PTPRM: variants seen among roughly 807,000 people sequenced by gnomAD.
PTPRM encodes protein tyrosine phosphatase receptor type M.
PTPRM carries 47 observed loss-of-function variants against 186.7 expected under a neutral mutation model. The observed-to-expected ratio is 0.25, with a 90% CI of 0.20 to 0.32. The LOEUF is 0.32. PTPRM is among the 10% of genes least tolerant of loss of function. The pLI is 1.00. For synonymous variants in PTPRM, 668 were observed against 674.9 expected (o/e 0.99, Z 0.16); for missense variants, 1,494 against 1,865.0 (o/e 0.80, Z 3.66).
intron 13 of PTPRM, among the ~76,000 whole-genome samples, chr18:8,129,326 A>G (rs2092447373): frequency 6.6e-6 from 1 of 152,222 alleles, no homozygotes; most frequent in South Asian, 2.1e-4. Context: ...CTGAATAACA[A>G]TATCTGTGTC....
chr18:7,597,575 T>C (rs900561124), intron 1 of PTPRM, among the ~76,000 whole-genome samples: 2 of 152,142 alleles, frequency 1.3e-5, no homozygotes, highest in African/African-American at 2.4e-5. Context: ...TCAGCTGCAG[T>C]TTTCTTAAAA....
intron 3 of PTPRM, among the ~76,000 whole-genome samples, chr18:7,901,523 C>T (rs190731287): frequency 9.0e-4 from 137 of 152,226 alleles, no homozygotes; most frequent in African/African-American, 3.0e-3. Flanking sequence ...CCCGCCAACA[C>T]GCCCGGCTAA....
chr18:7,723,906 C>T (rs1357158727), intron 1 of PTPRM, among the ~76,000 whole-genome samples: 2 of 152,182 alleles, frequency 1.3e-5, no homozygotes, highest in African/African-American at 4.8e-5. Flanking sequence ...AGTTCTGCTT[C>T]TGAAGCTTCC....
At chr18:7,906,718 T>A (rs2050004798) in intron 4 of PTPRM, 135 bp downstream of exon 4, 2 of 692,600 alleles carry the variant, frequency 2.9e-6, no homozygotes, top group African/African-American at 1.8e-5. Flanking sequence ...GTATTGTTGG[T>A]TTGCCAGCCC....
intron 19 of PTPRM, among the ~76,000 whole-genome samples, chr18:8,260,053 A>C (rs1320963275): frequency 6.6e-6 from 1 of 152,166 alleles, no homozygotes; most frequent in African/African-American, 2.4e-5. Flanking sequence ...TAAAGAAAAA[A>C]GGTTCTGCAA....
In PTPRM at chr18:7,571,851, G is replaced by T. The variant is rs1355047378; in HGVS notation, c.73+3960G>T. Among the ~76,000 whole-genome samples the T allele has an allele frequency of 2.0e-5, 3 of 152,078 alleles. No homozygotes were observed. The South Asian group carries it at 6.2e-4, about 31-fold the overall frequency. On this transcript the variant is annotated intron_variant, in intron 1 of 32. Transcript: ENST00000580170. The stretch of plus-strand genomic sequence containing the variant: ...GGTGAAGGGTGTACTTGCACAGTTT[G>T]TATTGTTTTTGCAAGTCTTCTATAA...
intron 1 of PTPRM, among the ~76,000 whole-genome samples, chr18:7,727,291 A>G (rs976803508): frequency 3.3e-5 from 5 of 152,120 alleles, no homozygotes; most frequent in Admixed American, 3.3e-4. Context: ...CTTAGGAGAA[A>G]AGGTCAGTTT....
rs558048628 is a variant in PTPRM, at chr18:7,794,118, G to A, written c.196+19847G>A. 2.0e-4 allele frequency among the ~76,000 whole-genome samples: 31 copies of A among 152,206 alleles called. No individual in the cohort carries two copies. The South Asian group carries it at 4.1e-3, about 20-fold the overall frequency. On this transcript the variant is annotated intron_variant, in intron 2 of 32. Transcript: ENST00000580170. ...AGCTACTTCCACTCAATAAAACCTC[G>A]CACTCATTCTCCAATCTCACGTGTG...
intron 2 of PTPRM, among the ~76,000 whole-genome samples, chr18:7,782,597 C>G (rs1436152216): frequency 6.6e-6 from 1 of 152,182 alleles, no homozygotes; most frequent in Non-Finnish European, 1.5e-5. Flanking sequence ...ACTCCTCCTT[C>G]CTCCTCCCCC....
chr18:8,000,425 G>A (rs2083801954), intron 7 of PTPRM, among the ~76,000 whole-genome samples: 4 of 152,122 alleles, frequency 2.6e-5, no homozygotes, highest in African/African-American at 7.2e-5. Context: ...TGGTCTTACT[G>A]TGTGCCAATA....
intron 7 of PTPRM, among the ~76,000 whole-genome samples, chr18:7,985,527 A>G (rs564805198): frequency 2.1e-4 from 31 of 148,598 alleles, no homozygotes; most frequent in African/African-American, 6.4e-4. Flanking sequence ...ACTGGTAGAT[A>G]CGTATATAAA....
intron 13 of PTPRM, among the ~76,000 whole-genome samples, chr18:8,139,499 C>T (rs1041047531): frequency 6.6e-6 from 1 of 152,154 alleles, no homozygotes; most frequent in Non-Finnish European, 1.5e-5. Flanking sequence ...GAATATAAGC[C>T]AGATCAAGTT....
chr18:8,246,867 A>T (rs2094481763), intron 15 of PTPRM, among the ~76,000 whole-genome samples: 1 of 152,334 alleles, frequency 6.6e-6, no homozygotes, highest in African/African-American at 2.4e-5. Context: ...ATATATTAAT[A>T]TGTCATCAGA....
chr18:7,706,358 G>A (rs2040088461), intron 1 of PTPRM, among the ~76,000 whole-genome samples: 1 of 151,668 alleles, frequency 6.6e-6, no homozygotes, highest in African/African-American at 2.4e-5. Flanking sequence ...AAAACTTTGG[G>A]AGCCAAGATG....
At chr18:8,216,072 C>T (rs1437311584) in intron 14 of PTPRM, among the ~76,000 whole-genome samples, 1 of 152,196 alleles carries the variant, frequency 6.6e-6, no homozygotes, top group Non-Finnish European at 1.5e-5. Flanking sequence ...CCTCCTTTCC[C>T]TTCATATTAA....
intron 1 of PTPRM, among the ~76,000 whole-genome samples, chr18:7,582,017 A>G (rs1314663041): frequency 6.6e-6 from 1 of 152,200 alleles, no homozygotes; most frequent in African/African-American, 2.4e-5. Flanking sequence ...TTACATAGGT[A>G]GAAATGTGTA....
chr18:7,906,612 G>A lies in PTPRM; in HGVS notation c.547+29G>A, dbSNP rs769435903. On this transcript the variant is annotated intron_variant, in intron 4 of 32. Coordinates refer to ENST00000580170, the MANE Select transcript of PTPRM (RefSeq NM_001105244.2). ...AGTTGTCTTTATTTGTAAATATTCGGGTACATCATTGGGGGCATGTTTACA... is the reference window on the plus strand; with the variant it reads ...AGTTGTCTTTATTTGTAAATATTCGAGTACATCATTGGGGGCATGTTTACA... The A allele has an allele frequency of 1.6e-5, 24 of 1,513,086 alleles. 1 individual carries two copies. The South Asian group carries it at 2.1e-4, about 14-fold the overall frequency. The allele number at this position is 1,513,086 out of a possible 1,614,324, so 93.7% of individuals were successfully genotyped here.
At chr18:7,669,687 G>T (rs903157051) in intron 1 of PTPRM, among the ~76,000 whole-genome samples, 2 of 152,124 alleles carry the variant, frequency 1.3e-5, no homozygotes, top group African/African-American at 4.8e-5. Flanking sequence ...CAAGGCACAT[G>T]TGGTGAGAGG....
intron 1 of PTPRM, among the ~76,000 whole-genome samples, chr18:7,760,398 T>C (rs1262163127): frequency 1.3e-5 from 2 of 152,216 alleles, no homozygotes; most frequent in Non-Finnish European, 2.9e-5. Context: ...TTTTGTGGCC[T>C]AGTCTTTCTG....
Sources: allele counts gnomAD v4.1 joint callset (sites outside exome capture counted in the v4.1 genomes callset), GRCh38; gene constraint gnomAD v4.1.1; transcripts MANE v1.5; gene names NCBI Gene and HGNC (gene_info 2026-07-23, HGNC 2026-07-21).